The following SYNDIG1 variants were observed in gnomAD, a reference collection of about 807,000 sequenced individuals.
SYNDIG1 encodes the protein synapse differentiation-inducing gene protein 1.
SYNDIG1 carries 9 observed loss-of-function variants against 19.4 expected under a neutral mutation model. The observed-to-expected ratio is 0.46, with a 90% CI of 0.28 to 0.81. SYNDIG1 has a LOEUF of 0.81. Ranked by LOEUF, SYNDIG1 falls within the 30% of genes least tolerant of loss-of-function variation. SYNDIG1 has a pLI of 0.12. For synonymous variants in SYNDIG1, 141 were observed against 145.9 expected (o/e 0.97, Z 0.24); for missense variants, 311 against 343.3 (o/e 0.91, Z 0.74).
chr20:24,553,590 T>C (rs567890284), intron 2 of SYNDIG1, among the ~76,000 whole-genome samples: 1 of 152,370 alleles, frequency 6.6e-6, no homozygotes, highest in Non-Finnish European at 1.5e-5. Flanking sequence ...TGCTTGTTTT[T>C]CTCAGGTTTG....
At chr20:24,638,944 G>A (rs2059344819) in intron 3 of SYNDIG1, among the ~76,000 whole-genome samples, 2 of 152,198 alleles carry the variant, frequency 1.3e-5, no homozygotes, top group Non-Finnish European at 2.9e-5. Context: ...GACTTGTGCT[G>A]AGATGGCAAC....
At chr20:24,512,586 T>C (rs1369989838) in intron 1 of SYNDIG1, among the ~76,000 whole-genome samples, 1 of 151,862 alleles carries the variant, frequency 6.6e-6, no homozygotes, top group Non-Finnish European at 1.5e-5. Context: ...GCAGCGAGGC[T>C]GGGGGAGGGG....
At position 24,584,868 on chromosome 20, in the gene SYNDIG1, A is replaced by G. The variant is rs753677757; in HGVS notation, c.493A>G (p.Ser165Gly). 5 of 1,614,076 alleles carry G rather than the reference A, an allele frequency of 3.1e-6. No individual in the cohort carries two copies. The East Asian group carries it at 8.9e-5, about 29-fold the overall frequency. The change falls in exon 3 of 4, where the codon AGC (serine) becomes GGC (glycine). Residue 165 changes from serine (S) to glycine (G), a missense_variant. By Grantham distance (56) the Ser-to-Gly change is moderately conservative. Transcript: ENST00000376862. Reference protein sequence around the residue: ...EFQELESDYSSDTESEDNFLM... With the variant: ...EFQELESDYSGDTESEDNFLM... ...TTCTCTCTTGCAGAGCGACTACTCA[A>G]GCGACACAGAGAGTGAGGACAATTT...
At chr20:24,584,800 G>T in intron 2 of SYNDIG1, 56 bp from the exon 3 acceptor site, 1 of 1,612,420 alleles carries the variant, frequency 6.2e-7, no homozygotes, top group Non-Finnish European at 8.5e-7. Flanking sequence ...GACACCCCAG[G>T]ATGACTCCTT....
rs1183255166 is a variant in SYNDIG1, at chr20:24,510,307, G to A, written c.-78-32713G>A. 5.3e-5 allele frequency among the ~76,000 whole-genome samples: 8 copies of A among 151,880 alleles called. No homozygotes were observed. In the East Asian group the frequency reaches 7.8e-4, roughly 15 times the overall value. ...CTCTGGGCTGGGCGCAGTGACTCAC[G>A]CCTGTAATCCCAGCAGTTTGGGAGG... On this transcript the variant is annotated intron_variant, in intron 1 of 3. Transcript: ENST00000376862.
chr20:24,532,360 A>T (rs570519631), intron 1 of SYNDIG1, among the ~76,000 whole-genome samples: 1 of 152,216 alleles, frequency 6.6e-6, no homozygotes, highest in Non-Finnish European at 1.5e-5. Flanking sequence ...GAAGGCAGTC[A>T]TGAGAGGCCA....
chr20:24,530,709 G>T (rs1200375408), intron 1 of SYNDIG1, among the ~76,000 whole-genome samples: 1 of 152,110 alleles, frequency 6.6e-6, no homozygotes, highest in East Asian at 1.9e-4. Flanking sequence ...TATAAGAAGG[G>T]TCAGGAGCAG....
intron 1 of SYNDIG1, among the ~76,000 whole-genome samples, chr20:24,478,677 A>C (rs953459681): frequency 2.4e-4 from 36 of 152,194 alleles, no homozygotes; most frequent in African/African-American, 7.5e-4. Flanking sequence ...TGTGATGAGG[A>C]CATTTCTCCA....
chr20:24,513,780 CAA>C (rs1432508570), intron 1 of SYNDIG1, among the ~76,000 whole-genome samples: 1 of 152,120 alleles, frequency 6.6e-6, no homozygotes, highest in Non-Finnish European at 1.5e-5. Context: ...GAGAGTGCCA[CAA>C]AGATACTCCT....
At chr20:24,604,519 C>T (rs753754979) in intron 3 of SYNDIG1, among the ~76,000 whole-genome samples, 1 of 152,178 alleles carries the variant, frequency 6.6e-6, no homozygotes, top group Non-Finnish European at 1.5e-5. Flanking sequence ...CTCCCACCAG[C>T]GCCATGACAG....
At chr20:24,656,030 T>C (rs1247876394) in intron 3 of SYNDIG1, among the ~76,000 whole-genome samples, 1 of 152,114 alleles carries the variant, frequency 6.6e-6, no homozygotes, top group Non-Finnish European at 1.5e-5. Context: ...GCAAACAGAA[T>C]CTGGGCTGTT....
At chr20:24,652,957 C>T (rs1192958253) in intron 3 of SYNDIG1, among the ~76,000 whole-genome samples, 2 of 152,158 alleles carry the variant, frequency 1.3e-5, no homozygotes, top group African/African-American at 4.8e-5. Flanking sequence ...ACCTCTCTAC[C>T]TTCTTAATGG....
chr20:24,511,273 G>T (rs1191207976), intron 1 of SYNDIG1, among the ~76,000 whole-genome samples: 1 of 152,124 alleles, frequency 6.6e-6, no homozygotes, highest in Admixed American at 6.6e-5. Context: ...GCAGTACCAG[G>T]TACCCCTCGG....
chr20:24,663,646 G>T (rs2059623432), intron 3 of SYNDIG1, among the ~76,000 whole-genome samples: 1 of 152,190 alleles, frequency 6.6e-6, no homozygotes, highest in African/African-American at 2.4e-5. Context: ...TCCGCAAGTG[G>T]GTACTCAGAT....
At chr20:24,523,781 T>G (rs910530238) in intron 1 of SYNDIG1, among the ~76,000 whole-genome samples, 1 of 152,208 alleles carries the variant, frequency 6.6e-6, no homozygotes, top group Non-Finnish European at 1.5e-5. Flanking sequence ...ACCTGTGCCT[T>G]CCTCACAGCA....
intron 3 of SYNDIG1, among the ~76,000 whole-genome samples, chr20:24,590,018 G>A (rs904756666): frequency 6.6e-6 from 1 of 152,202 alleles, no homozygotes; most frequent in African/African-American, 2.4e-5. Flanking sequence ...CGTGCTCGTC[G>A]CCTGCCTCTC....
chr20:24,554,813 C>A (rs1254455553), intron 2 of SYNDIG1, among the ~76,000 whole-genome samples: 1 of 151,178 alleles, frequency 6.6e-6, no homozygotes, highest in Non-Finnish European at 1.5e-5. Context: ...ATGATGCTGG[C>A]CTCTTAAAAT....
intron 1 of SYNDIG1, among the ~76,000 whole-genome samples, chr20:24,480,258 A>G (rs1374540709): frequency 6.6e-6 from 1 of 152,236 alleles, no homozygotes; most frequent in African/African-American, 2.4e-5. Context: ...AGAAATGTGT[A>G]AGACCTATAT....
chr20:24,554,165 G>C (rs1246256645), intron 2 of SYNDIG1, among the ~76,000 whole-genome samples: 2 of 152,168 alleles, frequency 1.3e-5, no homozygotes, highest in African/African-American at 4.8e-5. Context: ...TGTATCCTGA[G>C]ACTTTGCTGA....
Sources: gnomAD v4.1 joint callset for allele counts (sites outside exome capture counted in the v4.1 genomes callset) on GRCh38, gnomAD v4.1.1 for gene constraint, MANE v1.5 for transcripts, NCBI Gene and HGNC (gene_info 2026-07-23, HGNC 2026-07-21) for gene names.